The following TTC7A variants were observed in gnomAD, a reference collection of about 807,000 sequenced individuals.
The protein encoded by TTC7A is tetratricopeptide repeat protein 7A.
Under a neutral mutation model 103.7 loss-of-function variants are expected in TTC7A, and 110 were observed. The ratio of observed to expected loss-of-function variants is 1.06; its 90% CI spans 0.91 to 1.24. TTC7A has a LOEUF of 1.24. Ranked by LOEUF, TTC7A falls within the 50% of genes most tolerant of loss-of-function variation. TTC7A has a pLI of 0.00. For missense variants in TTC7A, 1,340 were observed against 1,116.3 expected (o/e 1.20, Z -2.86); for synonymous variants, 521 against 467.9 (o/e 1.11, Z -1.47).
chr2:47,044,652 G>A (rs1360823026), intron 15 of TTC7A, among the ~76,000 whole-genome samples: 1 of 152,222 alleles, frequency 6.6e-6, no homozygotes, highest in Non-Finnish European at 1.5e-5. Flanking sequence ...GGCTTGGGAT[G>A]GATGAAAATG....
intron 18 of TTC7A, 94 bp downstream of exon 18, chr2:47,051,974 G>T: frequency 2.7e-6 from 4 of 1,465,900 alleles, no homozygotes; most frequent in Non-Finnish European, 3.7e-6. Context: ...TGGGGAGGTG[G>T]GGACACCTTG....
At chr2:47,036,143 C>T (rs920111886) in intron 15 of TTC7A, among the ~76,000 whole-genome samples, 2 of 152,202 alleles carry the variant, frequency 1.3e-5, no homozygotes, top group African/African-American at 2.4e-5. Context: ...GAAGCCGAGA[C>T]CCGGAGGCCA....
intron 18 of TTC7A, among the ~76,000 whole-genome samples, chr2:47,060,481 A>C (rs1683678102): frequency 6.6e-6 from 1 of 152,148 alleles, no homozygotes; most frequent in Admixed American, 6.5e-5. Context: ...AAACAAAAAC[A>C]AACAAACAAA....
In TTC7A at chr2:47,024,351, G is replaced by A. The variant is rs6755258; in HGVS notation, c.1633G>A (p.Val545Ile). ...ILYVSLQLAL[V>I]RQISSAMEQL... Reference sequence around the variant, plus strand: ...CTATGTCTCGCTGCAGCTGGCCCTCGTCCGACAGGTGGGTTGTCCGTGTTC... The same window carrying A: ...CTATGTCTCGCTGCAGCTGGCCCTCATCCGACAGGTGGGTTGTCCGTGTTC... Residue 545 changes from valine to isoleucine, a missense_variant, in exon 14 of 20, where the codon GTC (valine) becomes ATC (isoleucine). By Grantham distance (29) the Val-to-Ile change is conservative (BLOSUM62 3). Coordinates refer to ENST00000319190, the MANE Select transcript of TTC7A (RefSeq NM_020458.4). 1.5e-4 allele frequency: 233 copies of A among 1,605,468 alleles called. No individual in the cohort carries two copies. In the African/African-American group the frequency reaches 2.3e-3, roughly 16 times the overall value.
intron 11 of TTC7A, among the ~76,000 whole-genome samples, chr2:47,015,969 C>T (rs1220564174): frequency 6.6e-6 from 1 of 152,186 alleles, no homozygotes; most frequent in Non-Finnish European, 1.5e-5. Context: ...ACTGGAGGTG[C>T]TGTTAAAAAC....
intron 2 of TTC7A, among the ~76,000 whole-genome samples, chr2:46,950,909 TAGA>T (rs1671351372): frequency 6.6e-6 from 1 of 152,208 alleles, no homozygotes; most frequent in African/African-American, 2.4e-5. Context: ...AAAATCTTAG[TAGA>T]AATTTTTAAA....
chr2:46,969,207 T>A (rs1486692788), intron 3 of TTC7A, among the ~76,000 whole-genome samples: 1 of 149,428 alleles, frequency 6.7e-6, no homozygotes, highest in African/African-American at 2.4e-5. Flanking sequence ...GAGTTTGTTT[T>A]AAAAAAAAAA....
intron 2 of TTC7A, among the ~76,000 whole-genome samples, chr2:46,926,347 C>G (rs1046324615): frequency 1.3e-5 from 2 of 152,118 alleles, no homozygotes; most frequent in Non-Finnish European, 2.9e-5. Context: ...GCTCCCTATC[C>G]TCAAGATACA....
chr2:47,059,594 T>C (rs72808521), intron 18 of TTC7A, among the ~76,000 whole-genome samples: 5,857 of 152,216 alleles, frequency 0.038, 155 homozygotes, highest in Non-Finnish European at 0.063. Context: ...AGCCCCTGCC[T>C]GGGAGACCAA....
chr2:46,927,683 G>A (rs1340586571), intron 2 of TTC7A, among the ~76,000 whole-genome samples: 1 of 151,918 alleles, frequency 6.6e-6, no homozygotes, highest in Non-Finnish European at 1.5e-5. Flanking sequence ...TATTAAAGGA[G>A]CAACAGACGG....
At chr2:47,033,731 G>A (rs546062856) in intron 15 of TTC7A, among the ~76,000 whole-genome samples, 2 of 152,324 alleles carry the variant, frequency 1.3e-5, no homozygotes, top group East Asian at 1.9e-4. Flanking sequence ...CACAGTCGAT[G>A]GACAGCCGTG....
chr2:46,979,041 C>CT, intron 5 of TTC7A, 134 bp downstream of exon 5: 1 of 619,748 alleles, frequency 1.6e-6, no homozygotes. Flanking sequence ...TGGGAACTGG[C>CT]TTGTGTCACA....
chr2:46,995,644 C>T lies in TTC7A; in HGVS notation c.1065+445C>T, dbSNP rs1676103646. 2.0e-5 allele frequency among the ~76,000 whole-genome samples: 3 copies of T among 152,194 alleles called. No homozygotes were observed. The South Asian group carries it at 6.2e-4, about 32-fold the overall frequency. On this transcript the variant is annotated intron_variant, in intron 8 of 19. Transcript: ENST00000319190. ...GTGTTAGTTGAGGGCTGGGGCACAT[C>T]ACTTATTTTCTCTGAGCCTCCGTTT... is the stretch of plus-strand genomic sequence containing the variant.
Position 46,957,010 on chromosome 2 carries a change from A to T in TTC7A, c.517+3A>T. 1 of 1,613,976 alleles carries T rather than the reference A, an allele frequency of 6.2e-7. No individual in the cohort carries two copies. The highest frequency in any genetic ancestry group is 1.1e-5 in the South Asian group (1 of 91,066). On this transcript the variant is annotated splice_donor_region_variant and intron_variant, in intron 3 of 19. Coordinates refer to ENST00000319190, the MANE Select transcript of TTC7A (RefSeq NM_020458.4). ...GTCGGAGGCTTTTGTCATCAAAGGT[A>T]GCTGTGGGCACCAGCCTGGGCTCCC...
intron 3 of TTC7A, among the ~76,000 whole-genome samples, chr2:46,974,432 C>T (rs747586765): frequency 1.3e-5 from 2 of 152,202 alleles, no homozygotes; most frequent in African/African-American, 2.4e-5. Flanking sequence ...GAGAGAGTTC[C>T]CTCTCAGTCA....
chr2:46,959,914 A>G (rs115966035), intron 3 of TTC7A, among the ~76,000 whole-genome samples: 3,176 of 152,298 alleles, frequency 0.021, 58 homozygotes, highest in Admixed American at 0.052. Flanking sequence ...CTGAGGGGAA[A>G]AGAGTTATTG....
intron 9 of TTC7A, among the ~76,000 whole-genome samples, 180 bp from the exon 10 acceptor site, chr2:47,006,461 G>C (rs915683717): frequency 6.6e-6 from 1 of 152,250 alleles, no homozygotes; most frequent in Non-Finnish European, 1.5e-5. Context: ...CTTGAGTAGG[G>C]TCACACAGCA....
In TTC7A at chr2:47,051,809, T is replaced by A; in HGVS notation, c.2081T>A (p.Met694Lys). The change falls in exon 18 of 20, where the codon ATG becomes AAG. Residue 694 changes from methionine (M) to lysine (K), a missense_variant. By Grantham distance (95) the Met-to-Lys change is moderately conservative. Transcript: ENST00000319190. ...RLEEAMSELT[M>K]PSSVLKQGPM... ...GAGGAGGCCATGTCAGAGCTGACTA[T>A]GCCCTCTTCGGTCCTGAAGCAGGGC... The A allele has an allele frequency of 6.2e-7, 1 of 1,612,092 alleles. No homozygotes were observed. The highest frequency in any genetic ancestry group is 8.5e-7 in the Non-Finnish European group (1 of 1,179,814).
At chr2:47,063,066 T>C (rs910950606) in intron 19 of TTC7A, among the ~76,000 whole-genome samples, 8 of 152,226 alleles carry the variant, frequency 5.3e-5, no homozygotes, top group African/African-American at 1.9e-4. Flanking sequence ...TCTAAAGACA[T>C]TTGAACACTT....
Sources: allele counts gnomAD v4.1 joint callset (sites outside exome capture counted in the v4.1 genomes callset), GRCh38; gene constraint gnomAD v4.1.1; transcripts MANE v1.5; gene names NCBI Gene and HGNC (gene_info 2026-07-23, HGNC 2026-07-21).